Variants in PRKN observed in about 807,000 individuals in gnomAD.
The protein encoded by PRKN is E3 ubiquitin-protein ligase parkin.
In PRKN, 56 loss-of-function variants were observed where a neutral mutation model predicts 59.5. The ratio of observed to expected loss-of-function variants is 0.94; its 90% CI spans 0.76 to 1.18. The LOEUF is 1.18. PRKN is among the 50% of genes most tolerant of loss of function. PRKN has a pLI of 0.00. For missense variants in PRKN, 657 were observed against 596.4 expected (o/e 1.10, Z -1.06); for synonymous variants, 250 against 222.1 (o/e 1.13, Z -1.12).
chr6:161,430,772 G>A (rs188253146), intron 9 of PRKN, among the ~76,000 whole-genome samples: 1,595 of 139,192 alleles, frequency 0.011, 9 homozygotes, highest in Non-Finnish European at 0.015. Flanking sequence ...CCAAGATTGC[G>A]CCACTGCACT....
At chr6:161,758,506 C>T (rs1208104252) in intron 7 of PRKN, among the ~76,000 whole-genome samples, 1 of 152,134 alleles carries the variant, frequency 6.6e-6, no homozygotes. Flanking sequence ...CATTTATATA[C>T]AATTCTAGAA....
intron 7 of PRKN, among the ~76,000 whole-genome samples, chr6:161,662,042 C>A (rs1784568343): frequency 6.6e-6 from 1 of 151,830 alleles, no homozygotes; most frequent in Admixed American, 6.6e-5. Flanking sequence ...AACAAAAAAA[C>A]CATGTAGTAC....
intron 2 of PRKN, among the ~76,000 whole-genome samples, chr6:162,440,102 G>A (rs368934320): frequency 7.3e-5 from 11 of 151,462 alleles, no homozygotes; most frequent in East Asian, 3.9e-4. Flanking sequence ...CAGATCATTC[G>A]TTTTCAATGT....
chr6:161,832,348 G>A (rs550034842), intron 6 of PRKN, among the ~76,000 whole-genome samples: 1 of 152,224 alleles, frequency 6.6e-6, no homozygotes, highest in Admixed American at 6.5e-5. Flanking sequence ...TATCGGCCGG[G>A]TGGGGTGGCT....
intron 2 of PRKN, among the ~76,000 whole-genome samples, chr6:162,417,364 C>T (rs1434318060): frequency 2.0e-5 from 3 of 152,144 alleles, no homozygotes; most frequent in Non-Finnish European, 4.4e-5. Context: ...TTCCTGCCCC[C>T]GGCAGCCGGG....
chr6:162,057,556 G>A (rs552392669), intron 4 of PRKN, among the ~76,000 whole-genome samples: 2 of 152,290 alleles, frequency 1.3e-5, no homozygotes, highest in African/African-American at 2.4e-5. Flanking sequence ...CCTTGATCAC[G>A]TTCATCAGCC....
chr6:162,694,670 A>C (rs913011825), intron 1 of PRKN: 5 of 151,302 alleles, frequency 3.3e-5, no homozygotes, highest in African/African-American at 1.2e-4. Context: ...TTCATACTTA[A>C]GAAAGAATCA....
At chr6:162,525,225 T>C (rs897184200) in intron 1 of PRKN, among the ~76,000 whole-genome samples, 1 of 151,656 alleles carries the variant, frequency 6.6e-6, no homozygotes, top group Admixed American at 6.6e-5. Flanking sequence ...TGACCCTCTG[T>C]GTGTGTGTAT....
At position 161,549,120 on chromosome 6, in the gene PRKN, GTGTGT is replaced by G; in HGVS notation, c.934-122_934-118del. 4 of 108,110 alleles carry G rather than the reference GTGTGT, an allele frequency of 3.7e-5. No individual in the cohort carries two copies. Among genetic ancestry groups the G allele is most frequent in the Admixed American group, 2.6e-4 (3 of 11,680 alleles). The allele number at this position is 108,110 out of a possible 1,614,324, so 6.7% of individuals were successfully genotyped here. ...AACCAGTTTCAGTAAAATAATGCATGTGTGTGTGTGTGTGTGTGTGTAGGGGGAGG... is the reference window on the plus strand; with the variant it reads ...AACCAGTTTCAGTAAAATAATGCATGGTGTGTGTGTGTGTGTAGGGGGAGG... On this transcript the variant is annotated intron_variant, in intron 8 of 11. Transcript: ENST00000366898. This position sits in a 1 kb window ranked among gnomAD's most constrained non-coding sequence, Gnocchi z 6.0.
intron 5 of PRKN, among the ~76,000 whole-genome samples, chr6:162,039,588 G>A (rs1459848455): frequency 6.6e-6 from 1 of 152,178 alleles, no homozygotes; most frequent in Non-Finnish European, 1.5e-5. Flanking sequence ...AGTGGCAGCG[G>A]CCTCAGGCCC....
Position 161,488,362 on chromosome 6 carries a change from C to G in PRKN, c.1083+60492G>C, listed in dbSNP as rs926433641. Among the ~76,000 whole-genome samples, 2 of 152,182 alleles carry G rather than the reference C, an allele frequency of 1.3e-5. No individual in the cohort carries two copies. Among genetic ancestry groups the G allele is most frequent in the Non-Finnish European group, 2.9e-5 (2 of 68,032 alleles). On this transcript the variant is annotated intron_variant, in intron 9 of 11. Coordinates refer to ENST00000366898, the MANE Select transcript of PRKN (RefSeq NM_004562.3). This position sits in a 1 kb window ranked among gnomAD's most constrained non-coding sequence, Gnocchi z 4.5. Reference sequence around the variant, plus strand: ...ATAGGTCTTTGTAGTGTGAGAAGAACTCCAAATTTTATTCTCCGGAGTGGA... The same window carrying G: ...ATAGGTCTTTGTAGTGTGAGAAGAAGTCCAAATTTTATTCTCCGGAGTGGA...
intron 4 of PRKN, among the ~76,000 whole-genome samples, chr6:162,135,022 C>G (rs775901576): frequency 6.6e-6 from 1 of 152,190 alleles, no homozygotes; most frequent in East Asian, 1.9e-4. Flanking sequence ...GGGAATAACA[C>G]AGAGCATCCC....
intron 1 of PRKN, among the ~76,000 whole-genome samples, chr6:162,447,556 A>C (rs960861842): frequency 2.6e-5 from 4 of 152,276 alleles, no homozygotes; most frequent in Middle Eastern, 3.4e-3. Flanking sequence ...TTCCTTTTTT[A>C]TGATATCCCT....
chr6:161,776,033 T>C (rs1206819128), intron 7 of PRKN, among the ~76,000 whole-genome samples: 2 of 152,190 alleles, frequency 1.3e-5, no homozygotes, highest in African/African-American at 4.8e-5. Flanking sequence ...ATGGTACTAA[T>C]GGTGAGGCTG....
At chr6:161,997,582 C>A (rs962636136) in intron 5 of PRKN, among the ~76,000 whole-genome samples, 8 of 152,144 alleles carry the variant, frequency 5.3e-5, no homozygotes, top group African/African-American at 1.7e-4. Flanking sequence ...ACTCATATTA[C>A]ACTTTTCCAA....
At chr6:161,351,828 T>C (rs188697216) in intron 11 of PRKN, among the ~76,000 whole-genome samples, 65 of 152,294 alleles carry the variant, frequency 4.3e-4, no homozygotes, top group Non-Finnish European at 8.2e-4. Flanking sequence ...GTGAAGACAA[T>C]GATCTCACCA....
chr6:161,441,370 T>C (rs9458253), intron 9 of PRKN, among the ~76,000 whole-genome samples: 6,771 of 152,092 alleles, frequency 0.045, 391 homozygotes, highest in African/African-American at 0.13. Flanking sequence ...CCTGTCCAGG[T>C]GCGGTGGTTC....
chr6:162,029,122 T>C lies in PRKN; in HGVS notation c.618+24969A>G, dbSNP rs183433405. ...CAGTTATTTGCCCTGCCCTTACTAG[T>C]AGCTCCCAGTTCTCCCTGCACTTCA... On this transcript the variant is annotated intron_variant, in intron 5 of 11. Coordinates refer to ENST00000366898, the MANE Select transcript of PRKN (RefSeq NM_004562.3). Among the ~76,000 whole-genome samples, 14 of 152,244 alleles carry C rather than the reference T, an allele frequency of 9.2e-5. No individual in the cohort carries two copies. In the East Asian group the frequency reaches 2.5e-3, roughly 27 times the overall value.
At chr6:161,949,797 C>T (rs558753504) in intron 6 of PRKN, among the ~76,000 whole-genome samples, 6 of 152,308 alleles carry the variant, frequency 3.9e-5, no homozygotes, top group African/African-American at 1.4e-4. Flanking sequence ...TGCCTCTGTC[C>T]TCCTGATTCC....
Sources: allele counts gnomAD v4.1 joint callset (sites outside exome capture counted in the v4.1 genomes callset), GRCh38; gene constraint gnomAD v4.1.1; non-coding constraint Gnocchi (gnomAD v3.1); transcripts MANE v1.5; gene names NCBI Gene and HGNC (gene_info 2026-07-23, HGNC 2026-07-21).